Variants in STT3B observed in about 807,000 individuals in gnomAD.
STT3B encodes STT3 oligosaccharyltransferase complex catalytic subunit B, also known as dolichyl-diphosphooligosaccharide--protein glycosyltransferase subunit STT3B.
In STT3B, 29 loss-of-function variants were observed where a neutral mutation model predicts 96.8. The ratio of observed to expected loss-of-function variants is 0.30; its 90% CI spans 0.22 to 0.41. The LOEUF is 0.41. Ranked by LOEUF, STT3B falls within the 10% of genes least tolerant of loss-of-function variation. The pLI, the probability that STT3B is intolerant of heterozygous loss-of-function variation, is 1.00. For synonymous variants in STT3B, 367 were observed against 360.0 expected (o/e 1.02, Z -0.22); for missense variants, 640 against 1,022.3 (o/e 0.63, Z 5.10).
chr3:31,621,847 T>A (rs905931646), intron 9 of STT3B, among the ~76,000 whole-genome samples: 2 of 152,366 alleles, frequency 1.3e-5, no homozygotes, highest in Non-Finnish European at 2.9e-5. Context: ...TAATTCTTCA[T>A]AACTAATTAA....
At chr3:31,591,082 A>G (rs1231728315) in intron 3 of STT3B, among the ~76,000 whole-genome samples, 1 of 152,088 alleles carries the variant, frequency 6.6e-6, no homozygotes. Flanking sequence ...GGAGATTTCA[A>G]TAACTGCCTC....
At chr3:31,540,690 C>CAT (rs1015806080) in intron 1 of STT3B, among the ~76,000 whole-genome samples, 11 of 152,226 alleles carry the variant, frequency 7.2e-5, no homozygotes, top group African/African-American at 2.6e-4. Context: ...ATAAGATATA[C>CAT]ATATATATAC....
At chr3:31,571,926 A>G (rs942147352) in intron 1 of STT3B, among the ~76,000 whole-genome samples, 1 of 85,284 alleles carries the variant, frequency 1.2e-5, no homozygotes, top group African/African-American at 3.0e-5. Flanking sequence ...GAGATTATAT[A>G]TCATATATAT....
At chr3:31,534,807 CTA>C (rs1697045215) in intron 1 of STT3B, among the ~76,000 whole-genome samples, 2 of 152,254 alleles carry the variant, frequency 1.3e-5, no homozygotes, top group South Asian at 4.1e-4. Context: ...TTTTCTAACA[CTA>C]GTTTTTTTAA....
intron 3 of STT3B, among the ~76,000 whole-genome samples, chr3:31,595,449 T>A (rs1174796127): frequency 1.3e-5 from 2 of 152,210 alleles, no homozygotes; most frequent in Non-Finnish European, 2.9e-5. Context: ...TCTCTCCTTG[T>A]TTATAATTCT....
chr3:31,597,489 C>G (rs946599778), intron 4 of STT3B, among the ~76,000 whole-genome samples: 7 of 151,934 alleles, frequency 4.6e-5, no homozygotes, highest in Admixed American at 6.6e-5. Context: ...TAGTGTCTTT[C>G]TCTGTTAGCC....
intron 1 of STT3B, among the ~76,000 whole-genome samples, chr3:31,559,149 GTGTGTGTGTGTGT>G (rs1697798618): frequency 7.5e-5 from 2 of 26,616 alleles, no homozygotes; most frequent in Admixed American, 1.7e-4. Flanking sequence ...TTCTTGGGGT[GTGTGTGTGTGTGT>G]GTGTGTGTGT....
intron 9 of STT3B, among the ~76,000 whole-genome samples, chr3:31,621,000 A>G (rs1699415762): frequency 6.6e-6 from 1 of 152,232 alleles, no homozygotes; most frequent in Admixed American, 6.5e-5. Flanking sequence ...ATTCCTATGT[A>G]TATATCTAAG....
intron 1 of STT3B, among the ~76,000 whole-genome samples, chr3:31,552,869 C>T (rs948133242): frequency 3.3e-5 from 5 of 151,822 alleles, no homozygotes; most frequent in South Asian, 4.2e-4. Context: ...TTTGGGAGGC[C>T]GAGACGGGCG....
intron 5 of STT3B, among the ~76,000 whole-genome samples, chr3:31,608,187 C>T (rs372854972): frequency 4.2e-4 from 64 of 152,210 alleles, no homozygotes; most frequent in African/African-American, 1.5e-3. Flanking sequence ...GACAGGCAAA[C>T]GGGACTACAA....
intron 1 of STT3B, among the ~76,000 whole-genome samples, chr3:31,546,320 G>GT (rs1697412966): frequency 6.6e-6 from 1 of 152,208 alleles, no homozygotes; most frequent in Non-Finnish European, 1.5e-5. Flanking sequence ...TCAATAGGCT[G>GT]TAGTCAGCTG....
At chr3:31,627,633 G>T (rs1462673082) in intron 13 of STT3B, among the ~76,000 whole-genome samples, 1 of 152,210 alleles carries the variant, frequency 6.6e-6, no homozygotes, top group Non-Finnish European at 1.5e-5. Context: ...TGCAGATGAA[G>T]TAAAGCCTCA....
intron 5 of STT3B, among the ~76,000 whole-genome samples, chr3:31,614,559 T>A (rs1009475482): frequency 1.2e-4 from 18 of 152,086 alleles, no homozygotes; most frequent in Non-Finnish European, 2.2e-4. Flanking sequence ...TTCTGTGTAC[T>A]TAGTTCTTTA....
At position 31,579,916 on chromosome 3, in the gene STT3B, T is replaced by C; in HGVS notation, c.531T>C (p.Phe177=). ...RDVCVFLAPT[F]SGLTSISTFL... is the part of the protein sequence containing the mutation. ...TATGTGTGTTCCTTGCACCAACTTT[T>C]AGCGGCCTTACATCTATATCTACTT... Residue 177 remains phenylalanine, a synonymous_variant, in exon 3 of 16, where the codon TTT becomes TTC. Coordinates refer to ENST00000295770, the MANE Select transcript of STT3B (RefSeq NM_178862.3). 1 of 1,613,960 alleles carries C rather than the reference T, an allele frequency of 6.2e-7. No homozygotes were observed. Among genetic ancestry groups the C allele is most frequent in the South Asian group, 1.1e-5 (1 of 91,078 alleles).
intron 1 of STT3B, among the ~76,000 whole-genome samples, chr3:31,553,493 G>A (rs1041045708): frequency 3.9e-5 from 6 of 152,132 alleles, no homozygotes; most frequent in East Asian, 3.9e-4. Flanking sequence ...AATGAAAGAA[G>A]CCTGATTCAC....
Position 31,594,848 on chromosome 3 carries a change from G to A in STT3B, c.712-1950G>A, listed in dbSNP as rs181072433. Among the ~76,000 whole-genome samples, 10 of 152,252 alleles carry A rather than the reference G, an allele frequency of 6.6e-5. No homozygotes were observed. In the East Asian group the frequency reaches 1.7e-3, roughly 26 times the overall value. The stretch of plus-strand genomic sequence containing the variant: ...GATAAACAGCCAGATGAAGAGATAC[G>A]TAGGACAAGATCTGGAAGAGTCCCA... On this transcript the variant is annotated intron_variant, in intron 3 of 15. Coordinates refer to ENST00000295770, the MANE Select transcript of STT3B (RefSeq NM_178862.3).
At chr3:31,593,184 G>A (rs1215891518) in intron 3 of STT3B, among the ~76,000 whole-genome samples, 1 of 152,190 alleles carries the variant, frequency 6.6e-6, no homozygotes, top group Non-Finnish European at 1.5e-5. Context: ...TGGTGCAAAA[G>A]TAATTGCGGT....
intron 1 of STT3B, among the ~76,000 whole-genome samples, chr3:31,541,609 C>T (rs985977341): frequency 6.6e-6 from 1 of 151,576 alleles, no homozygotes; most frequent in Admixed American, 6.6e-5. Flanking sequence ...TGGAGTTTCT[C>T]TCTGTTGCCC....
intron 1 of STT3B, among the ~76,000 whole-genome samples, chr3:31,557,758 G>A (rs1023330001): frequency 3.9e-5 from 6 of 152,028 alleles, no homozygotes; most frequent in East Asian, 1.9e-4. Flanking sequence ...TCGGCCTCCC[G>A]AGTAGCTGGG....
Sources: allele counts gnomAD v4.1 joint callset (sites outside exome capture counted in the v4.1 genomes callset), GRCh38; gene constraint gnomAD v4.1.1; transcripts MANE v1.5; gene names NCBI Gene and HGNC (gene_info 2026-07-23, HGNC 2026-07-21).